SNTG2: variants seen among roughly 807,000 people sequenced by gnomAD.
SNTG2 encodes syntrophin gamma 2, also known as gamma-2-syntrophin.
SNTG2 carries 74 observed loss-of-function variants against 70.9 expected under a neutral mutation model. The ratio of observed to expected loss-of-function variants is 1.04; its 90% CI spans 0.86 to 1.27. The LOEUF (loss-of-function observed/expected upper bound fraction) is 1.27, where lower values mean the gene tolerates loss of function less well. Ranked by LOEUF, SNTG2 falls within the 50% of genes most tolerant of loss-of-function variation. The probability of loss-of-function intolerance (pLI) is 0.00; values close to 1 mark genes in which losing one functional copy is unlikely to be tolerated. For synonymous variants in SNTG2, 278 were observed against 273.8 expected (o/e 1.02, Z -0.15); for missense variants, 717 against 690.7 (o/e 1.04, Z -0.43).
At chr2:1,048,128 T>A (rs1192573077) in intron 1 of SNTG2, among the ~76,000 whole-genome samples, 1 of 152,210 alleles carries the variant, frequency 6.6e-6, no homozygotes, top group Non-Finnish European at 1.5e-5. Context: ...TTCCTTCACC[T>A]CATCATAGTC....
At chr2:1,202,353 T>C (rs1456068017) in intron 8 of SNTG2, among the ~76,000 whole-genome samples, 1 of 152,004 alleles carries the variant, frequency 6.6e-6, no homozygotes, top group African/African-American at 2.4e-5. Context: ...GGAAGATTGA[T>C]GTGTCAATAT....
intron 4 of SNTG2, among the ~76,000 whole-genome samples, chr2:1,125,804 A>C (rs1015261043): frequency 3.3e-5 from 5 of 152,176 alleles, no homozygotes; most frequent in Admixed American, 6.5e-5. Flanking sequence ...ATGATGATAG[A>C]ATGAATGACA....
At chr2:1,226,169 G>C (rs982228068) in intron 9 of SNTG2, among the ~76,000 whole-genome samples, 2 of 152,186 alleles carry the variant, frequency 1.3e-5, no homozygotes, top group Admixed American at 6.5e-5. Flanking sequence ...TGGGCTTTGA[G>C]ATAGCCTGTT....
At chr2:1,217,681 TTGTA>T (rs1674488092) in intron 9 of SNTG2, among the ~76,000 whole-genome samples, 1 of 152,128 alleles carries the variant, frequency 6.6e-6, no homozygotes, top group African/African-American at 2.4e-5. Context: ...ATGTAGTACA[TTGTA>T]TGTAGAAATG....
chr2:1,070,947 CTA>C (rs1343695157), intron 1 of SNTG2, among the ~76,000 whole-genome samples: 5 of 152,154 alleles, frequency 3.3e-5, no homozygotes, highest in Non-Finnish European at 1.5e-5. Context: ...CGTCCTGCCT[CTA>C]TGTGCATTTA....
intron 4 of SNTG2, among the ~76,000 whole-genome samples, chr2:1,134,886 C>T (rs2148324429): frequency 6.6e-6 from 1 of 152,322 alleles, no homozygotes; most frequent in South Asian, 2.1e-4. Context: ...GCAGCTAAGG[C>T]CCCGAGAGAA....
At chr2:1,325,869 TG>T (rs1681736866) in intron 16 of SNTG2, among the ~76,000 whole-genome samples, 1 of 152,138 alleles carries the variant, frequency 6.6e-6, no homozygotes, top group Non-Finnish European at 1.5e-5. Flanking sequence ...AGTCTCACTC[TG>T]TCACCCAGGC....
intron 16 of SNTG2, among the ~76,000 whole-genome samples, chr2:1,336,286 G>A (rs1659812500): frequency 6.6e-6 from 1 of 152,078 alleles, no homozygotes; most frequent in Non-Finnish European, 1.5e-5. Flanking sequence ...GCCTGTCCAA[G>A]TTTTCCGCCC....
Position 1,279,632 on chromosome 2 carries a change from A to G in SNTG2, c.1284+12061A>G, listed in dbSNP as rs114504077. On this transcript the variant is annotated intron_variant, in intron 14 of 16. Transcript: ENST00000308624. ...CCAGAAAAGTTTTCTTTCATTTGCT[A>G]TATCTGTACCGCATCTCTGATGTGC... is the stretch of plus-strand genomic sequence containing the variant. Among the ~76,000 whole-genome samples, 547 of 152,294 alleles carry G rather than the reference A, an allele frequency of 3.6e-3. 4 individuals carry two copies. The highest frequency in any genetic ancestry group is 0.012 in the African/African-American group (517 of 41,562).
At chr2:1,315,742 T>G (rs1014219908) in intron 15 of SNTG2, among the ~76,000 whole-genome samples, 2 of 152,192 alleles carry the variant, frequency 1.3e-5, no homozygotes, top group African/African-American at 4.8e-5. Context: ...AATTGGTTCA[T>G]GAAAAACTAA....
intron 1 of SNTG2, among the ~76,000 whole-genome samples, chr2:975,190 C>T (rs1410291414): frequency 6.6e-6 from 1 of 152,110 alleles, no homozygotes; most frequent in Non-Finnish European, 1.5e-5. Flanking sequence ...TGTGCTTGCA[C>T]TCACACCCCT....
chr2:1,288,201 T>C (rs758642854), intron 14 of SNTG2, among the ~76,000 whole-genome samples: 3 of 152,222 alleles, frequency 2.0e-5, no homozygotes, highest in African/African-American at 7.2e-5. Context: ...GCGGCACTTA[T>C]GTTCTAGGCC....
At chr2:1,346,662 C>A (rs1444752172) in intron 16 of SNTG2, 1 of 152,210 alleles carries the variant, frequency 6.6e-6, no homozygotes, top group East Asian at 1.9e-4. Context: ...GACCTGGGGA[C>A]ACACAGTCTC....
intron 4 of SNTG2, among the ~76,000 whole-genome samples, chr2:1,125,601 C>T (rs1036681523): frequency 2.0e-5 from 3 of 152,202 alleles, no homozygotes; most frequent in African/African-American, 7.2e-5. Context: ...ATATAAATCA[C>T]AGAAGGAAAG....
intron 6 of SNTG2, among the ~76,000 whole-genome samples, chr2:1,156,790 T>G (rs1669927675): frequency 1.3e-5 from 2 of 151,768 alleles, no homozygotes; most frequent in South Asian, 4.2e-4. Context: ...CCTGCCTGCG[T>G]GGGGGTAGGA....
chr2:1,239,350 A>G (rs1676899745), intron 10 of SNTG2, among the ~76,000 whole-genome samples: 1 of 152,200 alleles, frequency 6.6e-6, no homozygotes, highest in Non-Finnish European at 1.5e-5. Context: ...TCCATAGGTC[A>G]TTGGGAGAAC....
At chr2:1,002,844 A>G (rs1443913568) in intron 1 of SNTG2, among the ~76,000 whole-genome samples, 1 of 151,686 alleles carries the variant, frequency 6.6e-6, no homozygotes, top group Non-Finnish European at 1.5e-5. Context: ...TCTAGAATCA[A>G]TGTGTTCTTC....
chr2:1,252,883 G>A (rs942130305), intron 12 of SNTG2, among the ~76,000 whole-genome samples: 2 of 152,142 alleles, frequency 1.3e-5, no homozygotes, highest in African/African-American at 2.4e-5. Flanking sequence ...ACAATATGGT[G>A]AATAAATTTA....
At position 1,165,267 on chromosome 2, in the gene SNTG2, G is replaced by A. The variant is rs141337972; in HGVS notation, c.412-281G>A. 8.3e-4 allele frequency among the ~76,000 whole-genome samples: 126 copies of A among 152,194 alleles called. 1 individual carries two copies. Among genetic ancestry groups the A allele is most frequent in the African/African-American group, 2.8e-3 (117 of 41,530 alleles). On this transcript the variant is annotated intron_variant, in intron 6 of 16. Transcript: ENST00000308624. ...ATTTTCTGGTAGATTGCATTCATAG[G>A]GATGCAGAGAGCATCCCTGTGATGT...
Sources: gnomAD v4.1 joint callset for allele counts (sites outside exome capture counted in the v4.1 genomes callset) on GRCh38, gnomAD v4.1.1 for gene constraint, MANE v1.5 for transcripts, NCBI Gene and HGNC (gene_info 2026-07-23, HGNC 2026-07-21) for gene names.